ERICH6: variants seen among roughly 807,000 people sequenced by gnomAD.
ERICH6 encodes glutamate-rich protein 6.
A neutral mutation model predicts 71.0 loss-of-function variants in ERICH6; 71 were observed. The ratio of observed to expected loss-of-function variants is 1.00; its 90% CI spans 0.83 to 1.22. ERICH6 has a LOEUF of 1.22. Ranked by LOEUF, ERICH6 falls within the 50% of genes most tolerant of loss-of-function variation. The probability of loss-of-function intolerance (pLI) is 0.00; values close to 1 mark genes in which losing one functional copy is unlikely to be tolerated. For missense variants in ERICH6, 808 were observed against 797.2 expected (o/e 1.01, Z -0.16); for synonymous variants, 262 against 278.4 (o/e 0.94, Z 0.59).
At position 150,685,848 on chromosome 3, in the gene ERICH6, T is replaced by A; in HGVS notation, c.677A>T (p.Asp226Val). The change falls in exon 6 of 14, where the codon GAC (aspartate) becomes GTC (valine). Residue 226 changes from aspartate (D) to valine (V), a missense_variant. By Grantham distance (152) the Asp-to-Val change is radical. Coordinates refer to ENST00000295910, the MANE Select transcript of ERICH6 (RefSeq NM_152394.5). The part of the protein sequence containing the change: ...NILYELEFKE[D>V]FITLFEPSLR... ...AGAAGGCTCGAACAGTGTTATGAAGTCTTCCTTAAACTAAATTTAAAAAGA... is the reference window on the plus strand; with the variant it reads ...AGAAGGCTCGAACAGTGTTATGAAGACTTCCTTAAACTAAATTTAAAAAGA... The A allele has an allele frequency of 3.1e-6, 5 of 1,613,562 alleles. No individual in the cohort carries two copies. Among genetic ancestry groups the A allele is most frequent in the Non-Finnish European group, 4.2e-6 (5 of 1,179,812 alleles).
At chr3:150,673,887 T>C (rs1711554819) in intron 11 of ERICH6, 69 bp downstream of exon 11, 1 of 1,497,668 alleles carries the variant, frequency 6.7e-7, no homozygotes, top group African/African-American at 1.4e-5. Context: ...AACCATGTAT[T>C]TCCTTCCTTG....
At chr3:150,699,856 T>C (rs1036310609) in intron 2 of ERICH6, among the ~76,000 whole-genome samples, 52 of 152,094 alleles carry the variant, frequency 3.4e-4, no homozygotes, top group Admixed American at 2.9e-3. Context: ...TATAGTAGCA[T>C]GTAAACAAAC....
intron 12 of ERICH6, among the ~76,000 whole-genome samples, chr3:150,667,267 G>A (rs1211649475): frequency 1.3e-5 from 2 of 152,212 alleles, no homozygotes; most frequent in Non-Finnish European, 2.9e-5. Flanking sequence ...GGATGAAGGA[G>A]TCTGGAAGGT....
chr3:150,674,930 C>T (rs180706244), intron 10 of ERICH6, among the ~76,000 whole-genome samples: 38 of 151,922 alleles, frequency 2.5e-4, no homozygotes, highest in African/African-American at 8.2e-4. Flanking sequence ...GTCAGAAGTT[C>T]GAGACCAGCC....
intron 4 of ERICH6, 129 bp from the exon 5 acceptor site, chr3:150,686,150 C>T: frequency 8.4e-7 from 1 of 1,195,216 alleles, no homozygotes; most frequent in Non-Finnish European, 1.2e-6. Flanking sequence ...TTCAGATGCC[C>T]TGATCCCTGA....
intron 3 of ERICH6, among the ~76,000 whole-genome samples, chr3:150,689,623 C>G (rs2108069498): frequency 6.6e-6 from 1 of 152,038 alleles, no homozygotes; most frequent in Admixed American, 6.6e-5. Context: ...ATTTAAAAGG[C>G]CTTCATGTTA....
At chr3:150,677,696 CTTG>C (rs1711716076) in intron 10 of ERICH6, among the ~76,000 whole-genome samples, 1 of 151,990 alleles carries the variant, frequency 6.6e-6, no homozygotes, top group South Asian at 2.1e-4. Flanking sequence ...GGGGTTTTGT[CTTG>C]TTGTCCAGGC....
At chr3:150,676,279 G>A (rs998047569) in intron 10 of ERICH6, among the ~76,000 whole-genome samples, 1 of 151,868 alleles carries the variant, frequency 6.6e-6, no homozygotes, top group African/African-American at 2.4e-5. Flanking sequence ...TTCAGCTGTT[G>A]CAGTTTTCAT....
rs756822036 is a variant in ERICH6, at chr3:150,698,829, T to C, written c.515A>G (p.Glu172Gly). Residue 172 changes from glutamate (E) to glycine (G), a missense_variant, in exon 3 of 14, where the codon GAA becomes GGA. Glu to Gly is a moderately conservative substitution (Grantham distance 98). Transcript: ENST00000295910. ...ATCAGACAAATCTTGGAGCCAACTT[T>C]CTTCTGTTTGTACTGATACTGGAAT... ...PGIPVSVQTE[E>G]SWLQDLSDKV... is the part of the protein sequence containing the mutation. 6.2e-7 allele frequency: 1 copy of C among 1,614,038 alleles called. No individual in the cohort carries two copies. Among genetic ancestry groups the C allele is most frequent in the South Asian group, 1.1e-5 (1 of 91,064 alleles).
intron 2 of ERICH6, among the ~76,000 whole-genome samples, chr3:150,700,726 G>C (rs1467131305): frequency 6.6e-6 from 1 of 152,106 alleles, no homozygotes; most frequent in Non-Finnish European, 1.5e-5. Context: ...TGGGAATACA[G>C]GCACACGCCA....
chr3:150,676,966 C>A (rs951105760), intron 10 of ERICH6, among the ~76,000 whole-genome samples: 1 of 151,902 alleles, frequency 6.6e-6, no homozygotes, highest in Non-Finnish European at 1.5e-5. Context: ...GTGCCTGCCA[C>A]CTTACCTGGC....
At chr3:150,701,307 C>T (rs1455701309) in intron 2 of ERICH6, among the ~76,000 whole-genome samples, 2 of 151,992 alleles carry the variant, frequency 1.3e-5, no homozygotes, top group Non-Finnish European at 2.9e-5. Context: ...ATATAACTAC[C>T]AAAGTGGAGA....
intron 11 of ERICH6, among the ~76,000 whole-genome samples, chr3:150,672,080 C>T (rs950424228): frequency 8.6e-5 from 13 of 151,922 alleles, no homozygotes; most frequent in Non-Finnish European, 1.3e-4. Context: ...AATTATAGTA[C>T]ATCTATATAA....
In ERICH6 at chr3:150,685,852, C is replaced by T; in HGVS notation, c.673G>A (p.Glu225Lys). 3.1e-6 allele frequency: 5 copies of T among 1,613,180 alleles called. No individual in the cohort carries two copies. Among genetic ancestry groups the T allele is most frequent in the Non-Finnish European group, 4.2e-6 (5 of 1,179,760 alleles). Reference sequence around the variant, plus strand: ...GGCTCGAACAGTGTTATGAAGTCTTCCTTAAACTAAATTTAAAAAGAGAAA... The same window carrying T: ...GGCTCGAACAGTGTTATGAAGTCTTTCTTAAACTAAATTTAAAAAGAGAAA... ...LNILYELEFK[E>K]DFITLFEPSL... The change falls in exon 6 of 14, where the codon GAA becomes AAA. Residue 225 changes from glutamate (E) to lysine (K), a missense_variant. Glu to Lys is a moderately conservative substitution (Grantham distance 56). Around this residue, in one of 3 missense-constraint regions of ERICH6, gnomAD observed 736 missense variants for 712.2 expected, o/e 1.03. Transcript: ENST00000295910.
At chr3:150,699,806 A>G (rs6780355) in intron 2 of ERICH6, among the ~76,000 whole-genome samples, 66,943 of 151,654 alleles carry the variant, frequency 0.44, 15,028 homozygotes, top group South Asian at 0.52. Context: ...CGAAATTTCA[A>G]ATATGAATCC....
intron 6 of ERICH6, among the ~76,000 whole-genome samples, chr3:150,683,778 A>G (rs1712063093): frequency 6.6e-6 from 1 of 152,138 alleles, no homozygotes; most frequent in Admixed American, 6.5e-5. Context: ...AAACAAAAAC[A>G]AAAACACAAA....
chr3:150,685,621 G>T (rs948879107), intron 6 of ERICH6, 121 bp downstream of exon 6: 1 of 834,452 alleles, frequency 1.2e-6, no homozygotes, highest in Non-Finnish European at 1.8e-6. Flanking sequence ...CTAAGTAATT[G>T]AGCTCTTTGG....
intron 3 of ERICH6, among the ~76,000 whole-genome samples, chr3:150,688,144 T>A (rs1389191782): frequency 2.0e-5 from 3 of 151,966 alleles, no homozygotes; most frequent in African/African-American, 7.3e-5. Flanking sequence ...AATAAATAAA[T>A]TTTTTTAAAA....
Position 150,703,761 on chromosome 3 carries a change from T to A in ERICH6, c.138A>T (p.Glu46Asp), listed in dbSNP as rs933783172. Residue 46 changes from glutamate to aspartate, a missense_variant, in exon 1 of 14, where the codon GAA (glutamate) becomes GAT (aspartate). Glu to Asp is a conservative substitution (Grantham distance 45). Coordinates refer to ENST00000295910, the MANE Select transcript of ERICH6 (RefSeq NM_152394.5). The stretch of plus-strand genomic sequence containing the variant: ...CCTCCTCCTCCTCCTCCTCCACCTC[T>A]TCCTCCTCCTCCTCCACCTCTTCCT... ...EEEEEVEEEEEEVEEEEEEVV... is the reference protein window; with the variant it reads ...EEEEEVEEEEDEVEEEEEEVV... The A allele has an allele frequency of 6.5e-7, 1 of 1,528,362 alleles. No homozygotes were observed. The highest frequency in any genetic ancestry group is 8.7e-7 in the Non-Finnish European group (1 of 1,146,574). 94.7% of individuals were successfully genotyped at this position (1,528,362 alleles called of 1,614,324 possible). A position where few individuals can be genotyped will look rare whatever the true frequency, so the allele number is the denominator to read the frequency against.
Sources: allele counts gnomAD v4.1 joint callset (sites outside exome capture counted in the v4.1 genomes callset), GRCh38; gene constraint gnomAD v4.1.1; regional missense constraint gnomAD v4.1.1; transcripts MANE v1.5; gene names NCBI Gene and HGNC (gene_info 2026-07-23, HGNC 2026-07-21).